Variants in C3orf70 observed in about 807,000 individuals in gnomAD.
C3orf70 encodes UPF0524 protein C3orf70.
Under a neutral mutation model 20.7 loss-of-function variants are expected in C3orf70, and 15 were observed. The ratio of observed to expected loss-of-function variants is 0.72; its 90% CI spans 0.48 to 1.11. C3orf70 has a LOEUF of 1.11. C3orf70 is among the 50% of genes most tolerant of loss of function. The pLI is 0.00. For synonymous variants in C3orf70, 161 were observed against 125.7 expected, an observed-to-expected ratio of 1.28 and a Z score of -1.88; for missense variants, 332 against 317.6, an observed-to-expected ratio of 1.05 and a Z score of -0.34.
At chr3:185,122,443 T>G (rs1262221355) in intron 1 of C3orf70, among the ~76,000 whole-genome samples, 1 of 152,164 alleles carries the variant, frequency 6.6e-6, no homozygotes, top group Non-Finnish European at 1.5e-5. Flanking sequence ...TCAAAATCCC[T>G]AAAGTCGAAA....
intron 1 of C3orf70, among the ~76,000 whole-genome samples, chr3:185,091,054 A>G (rs1185233496): frequency 2.0e-5 from 3 of 152,170 alleles, no homozygotes; most frequent in African/African-American, 7.2e-5. Flanking sequence ...TTATGCTACT[A>G]AGTCAGATGC....
intron 1 of C3orf70, among the ~76,000 whole-genome samples, chr3:185,127,945 G>T (rs553452401): frequency 6.6e-6 from 1 of 152,106 alleles, no homozygotes; most frequent in Non-Finnish European, 1.5e-5. Flanking sequence ...CATTAGTGTG[G>T]ATTCACTAAA....
intron 1 of C3orf70, among the ~76,000 whole-genome samples, chr3:185,090,162 G>A (rs1170674521): frequency 2.0e-5 from 3 of 152,120 alleles, no homozygotes; most frequent in Admixed American, 2.0e-4. Flanking sequence ...GTCATTCTCT[G>A]CCCTTAACTT....
At chr3:185,127,851 C>T (rs189084593) in intron 1 of C3orf70, among the ~76,000 whole-genome samples, 279 of 152,190 alleles carry the variant, frequency 1.8e-3, no homozygotes, top group African/African-American at 6.5e-3. Flanking sequence ...AAAATTGAGA[C>T]GTTGAAAAAC....
intron 1 of C3orf70, among the ~76,000 whole-genome samples, chr3:185,125,865 A>G (rs774058759): frequency 7.9e-5 from 12 of 152,214 alleles, no homozygotes; most frequent in Non-Finnish European, 1.2e-4. Flanking sequence ...GCATAAAAAC[A>G]GGTTAGCAGT....
At chr3:185,145,819 T>C (rs753790580) in intron 1 of C3orf70, among the ~76,000 whole-genome samples, 3 of 152,210 alleles carry the variant, frequency 2.0e-5, no homozygotes, top group Non-Finnish European at 2.9e-5. Flanking sequence ...TACGAAAAGA[T>C]TACAAAAAGT....
chr3:185,091,184 TCAC>T (rs1347590488), intron 1 of C3orf70, among the ~76,000 whole-genome samples: 1 of 152,112 alleles, frequency 6.6e-6, no homozygotes, highest in African/African-American at 2.4e-5. Context: ...GCAAGGGCGT[TCAC>T]CAGGCAGTGG....
intron 1 of C3orf70, among the ~76,000 whole-genome samples, chr3:185,089,602 G>A (rs1319748653): frequency 2.0e-5 from 3 of 151,998 alleles, no homozygotes; most frequent in African/African-American, 7.2e-5. Context: ...CTCATCCATA[G>A]GAAAGTGAAG....
intron 1 of C3orf70, among the ~76,000 whole-genome samples, chr3:185,124,301 A>C (rs1002580009): frequency 6.6e-6 from 1 of 152,224 alleles, no homozygotes; most frequent in East Asian, 1.9e-4. Flanking sequence ...CCAAATTGAT[A>C]CACAAATTCA....
rs1375536206 is a variant in C3orf70 at position 185,152,787 on chromosome 3, A to G, written c.37T>C (p.Trp13Arg). The G allele has an allele frequency of 6.4e-7, 1 of 1,570,888 alleles. No homozygotes were observed. Among genetic ancestry groups the G allele is most frequent in the Admixed American group, 1.8e-5 (1 of 55,902 alleles). ...AAASPASERG[W>R]KSEKLDEAQA... Reference sequence around the variant, plus strand: ...GCCTCATCTAGTTTCTCGCTCTTCCAACCCCGCTCCGACGCCGGCGAGGCC... The same window carrying G: ...GCCTCATCTAGTTTCTCGCTCTTCCGACCCCGCTCCGACGCCGGCGAGGCC... Residue 13 changes from tryptophan to arginine, a missense_variant, in exon 1 of 2, where the codon TGG (tryptophan) becomes CGG (arginine). By Grantham distance (101) the Trp-to-Arg change is moderately radical. Coordinates refer to ENST00000335012, the MANE Select transcript of C3orf70 (RefSeq NM_001025266.3).
chr3:185,116,239 T>C (rs757740491), intron 1 of C3orf70, among the ~76,000 whole-genome samples: 10 of 152,238 alleles, frequency 6.6e-5, no homozygotes, highest in Non-Finnish European at 1.3e-4. Flanking sequence ...ATGCTATTTA[T>C]TGGTACCCCT....
Position 185,091,777 on chromosome 3 carries a change from C to G in C3orf70, c.197-8214G>C, listed in dbSNP as rs868447236. On this transcript the variant is annotated intron_variant, in intron 1 of 1. Transcript: ENST00000335012. The stretch of plus-strand genomic sequence containing the variant: ...TTGGCTCACTGCAACCTCCGCCTCC[C>G]AGGTTCAAGCAATTCTCCTGCCTCA... Among the ~76,000 whole-genome samples, 3 of 148,768 alleles carry G rather than the reference C, an allele frequency of 2.0e-5. No individual in the cohort carries two copies. The South Asian group carries it at 6.4e-4, about 32-fold the overall frequency.
intron 1 of C3orf70, among the ~76,000 whole-genome samples, chr3:185,138,190 C>T (rs1164087440): frequency 6.6e-6 from 1 of 152,104 alleles, no homozygotes; most frequent in Non-Finnish European, 1.5e-5. Flanking sequence ...GATCTACATT[C>T]ATTCCTTGAT....
At chr3:185,085,508 G>A (rs1469265531) in intron 1 of C3orf70, among the ~76,000 whole-genome samples, 2 of 152,088 alleles carry the variant, frequency 1.3e-5, no homozygotes, top group African/African-American at 2.4e-5. Context: ...ATTTAAAGTC[G>A]TTAAGCCTCT....
intron 1 of C3orf70, among the ~76,000 whole-genome samples, chr3:185,091,966 T>G (rs1257675087): frequency 1.3e-4 from 1 of 7,454 alleles, no homozygotes. Context: ...TATATATATT[T>G]TTTTTTTTTT....
chr3:185,111,679 T>C lies in C3orf70; in HGVS notation c.197-28116A>G, dbSNP rs184445781. On this transcript the variant is annotated intron_variant, in intron 1 of 1. Coordinates refer to ENST00000335012, the MANE Select transcript of C3orf70 (RefSeq NM_001025266.3). ...TTGAAAAACAATTTGGAAGAGTTGA[T>C]AGAGGACCCCAGGATCTCTGGCCAC... is the stretch of plus-strand genomic sequence containing the variant. Among the ~76,000 whole-genome samples, 5 of 152,248 alleles carry C rather than the reference T, an allele frequency of 3.3e-5. No individual in the cohort carries two copies. In the East Asian group the frequency reaches 9.7e-4, roughly 29 times the overall value.
At chr3:185,094,837 C>T (rs368170955) in intron 1 of C3orf70, among the ~76,000 whole-genome samples, 18 of 152,122 alleles carry the variant, frequency 1.2e-4, no homozygotes, top group East Asian at 1.9e-4. Flanking sequence ...GCTGAGGGAG[C>T]CTTCTCACAA....
intron 1 of C3orf70, among the ~76,000 whole-genome samples, chr3:185,106,230 C>T (rs1715936040): frequency 6.6e-6 from 1 of 152,216 alleles, no homozygotes; most frequent in East Asian, 1.9e-4. Context: ...CCCCCCAGAT[C>T]AACAGGGAAA....
At chr3:185,132,879 A>G (rs569424523) in intron 1 of C3orf70, among the ~76,000 whole-genome samples, 53 of 152,338 alleles carry the variant, frequency 3.5e-4, no homozygotes, top group Admixed American at 6.5e-4. Flanking sequence ...CTAGAGAAAA[A>G]AGAGACAGAT....
Sources: gnomAD v4.1 joint callset for allele counts (sites outside exome capture counted in the v4.1 genomes callset) on GRCh38, gnomAD v4.1.1 for gene constraint, MANE v1.5 for transcripts, NCBI Gene and HGNC (gene_info 2026-07-23, HGNC 2026-07-21) for gene names.